MRC1: variants seen among roughly 807,000 people sequenced by gnomAD.
The protein encoded by MRC1 is macrophage mannose receptor 1.
MRC1 carries 62 observed loss-of-function variants against 102.9 expected under a neutral mutation model. That is an observed-to-expected ratio of 0.60 (90% CI 0.49 to 0.74). MRC1 has a LOEUF of 0.74. Ranked by LOEUF, MRC1 falls within the 30% of genes least tolerant of loss-of-function variation. The pLI, the probability that MRC1 is intolerant of heterozygous loss-of-function variation, is 0.00. For synonymous variants in MRC1, 457 were observed against 298.4 expected (o/e 1.53, Z -5.48); for missense variants, 1,237 against 862.8 (o/e 1.43, Z -5.43).
chr10:17,874,502 C>A (rs1431301026), intron 16 of MRC1, among the ~76,000 whole-genome samples: 2 of 152,102 alleles, frequency 1.3e-5, no homozygotes, highest in Non-Finnish European at 2.9e-5. Context: ...CTATAAAGTC[C>A]CATTTTCCAT....
chr10:17,839,001 A>C (rs1437941547), intron 4 of MRC1, among the ~76,000 whole-genome samples: 7 of 152,194 alleles, frequency 4.6e-5, no homozygotes, highest in Admixed American at 2.6e-4. Context: ...TTTTAACCCA[A>C]GATTTGAATT....
chr10:17,875,275 T>A lies in MRC1; in HGVS notation c.2550+22T>A. ...ATATGTAAGGACATCAATCATTTTTTAAAATTTTAATAGTTTTTGGGGAAC... is the reference window on the plus strand; with the variant it reads ...ATATGTAAGGACATCAATCATTTTTAAAAATTTTAATAGTTTTTGGGGAAC... On this transcript the variant is annotated intron_variant, in intron 17 of 29. Coordinates refer to ENST00000569591, the MANE Select transcript of MRC1 (RefSeq NM_002438.4). The A allele has an allele frequency of 6.4e-6, 5 of 778,716 alleles. No homozygotes were observed. The Admixed American group carries it at 6.8e-5, about 11-fold the overall frequency. 48.2% of individuals were successfully genotyped at this position (778,716 alleles called of 1,614,324 possible). A position where few individuals can be genotyped will look rare whatever the true frequency, so the allele number is the denominator to read the frequency against.
intron 1 of MRC1, among the ~76,000 whole-genome samples, chr10:17,814,260 C>T (rs1838271454): frequency 6.6e-6 from 1 of 152,060 alleles, no homozygotes; most frequent in Non-Finnish European, 1.5e-5. Flanking sequence ...AAATTTACTA[C>T]CTGGAGTGTG....
chr10:17,857,094 A>G (rs1185210337), intron 9 of MRC1, among the ~76,000 whole-genome samples: 2 of 152,226 alleles, frequency 1.3e-5, no homozygotes, highest in African/African-American at 4.8e-5. Context: ...ATCTTATAAC[A>G]CGTACCAGAA....
At chr10:17,906,649 C>T (rs1833899678) in intron 26 of MRC1, among the ~76,000 whole-genome samples, 2 of 152,166 alleles carry the variant, frequency 1.3e-5, no homozygotes, top group Admixed American at 6.5e-5. Context: ...TAATCTTTGA[C>T]TATCCTGCAG....
At chr10:17,862,310 T>C (rs1833196499) in intron 10 of MRC1, among the ~76,000 whole-genome samples, 1 of 152,226 alleles carries the variant, frequency 6.6e-6, no homozygotes, top group South Asian at 2.1e-4. Context: ...GCTGCTTTCA[T>C]ATATATTTAA....
chr10:17,878,412 G>A (rs1833466232), intron 18 of MRC1, among the ~76,000 whole-genome samples: 1 of 152,138 alleles, frequency 6.6e-6, no homozygotes, highest in African/African-American at 2.4e-5. Flanking sequence ...TAAATCTGCA[G>A]GAAATACATT....
intron 1 of MRC1, among the ~76,000 whole-genome samples, chr10:17,817,527 T>C (rs1268340760): frequency 6.6e-6 from 1 of 152,186 alleles, no homozygotes; most frequent in Non-Finnish European, 1.5e-5. Flanking sequence ...GTATTGTCAT[T>C]AGCATAGCAT....
intron 6 of MRC1, among the ~76,000 whole-genome samples, chr10:17,846,525 A>G (rs1162824096): frequency 1.3e-5 from 2 of 152,206 alleles, no homozygotes; most frequent in African/African-American, 2.4e-5. Context: ...AAAAGATACA[A>G]CATGATAAAT....
chr10:17,847,399 C>A (rs1370219861), intron 6 of MRC1, among the ~76,000 whole-genome samples: 1 of 152,160 alleles, frequency 6.6e-6, no homozygotes, highest in Non-Finnish European at 1.5e-5. Flanking sequence ...CATTCTTATT[C>A]CTCCATGATG....
At chr10:17,885,911 C>T (rs1169855467) in intron 22 of MRC1, among the ~76,000 whole-genome samples, 1 of 151,794 alleles carries the variant, frequency 6.6e-6, no homozygotes, top group Non-Finnish European at 1.5e-5. Flanking sequence ...TGTACATTAA[C>T]CTGGAAGACA....
chr10:17,865,527 C>G (rs1833252757), intron 11 of MRC1: 1 of 152,216 alleles, frequency 6.6e-6, no homozygotes, highest in East Asian at 1.9e-4. Context: ...GAACAGAACT[C>G]AGTTGCAACC....
In MRC1 at chr10:17,894,235, G is replaced by A. The variant is rs1833720433; in HGVS notation, c.3173G>A (p.Gly1058Asp). ...GCTGACTGTGTTGTTATTATTGGAG[G>A]TGCATCAAATGAAGCAGGAAAATGG... ...EDADCVVIIG[G>D]ASNEAGKWMD... The change falls in exon 23 of 30, where the codon GGT becomes GAT. Residue 1058 changes from glycine to aspartate, a missense_variant. By Grantham distance (94) the Gly-to-Asp change is moderately conservative. Coordinates refer to ENST00000569591, the MANE Select transcript of MRC1 (RefSeq NM_002438.4). 1 of 872,518 alleles carries A rather than the reference G, an allele frequency of 1.1e-6. No individual in the cohort carries two copies. Among genetic ancestry groups the A allele is most frequent in the Non-Finnish European group, 2.0e-6 (1 of 501,436 alleles). 54.0% of individuals were successfully genotyped at this position (872,518 alleles called of 1,614,324 possible).
intron 6 of MRC1, 70 bp downstream of exon 6, chr10:17,845,505 G>A (rs1183174278): frequency 1.3e-6 from 1 of 773,038 alleles, no homozygotes; most frequent in Non-Finnish European, 2.4e-6. Context: ...TACAGCTTAG[G>A]TGTAACTGTT....
chr10:17,866,698 G>A lies in MRC1; in HGVS notation c.1920G>A (p.Thr640=), dbSNP rs782697435. ...TAACCCACCCACCGAAGCCCACGAC[G>A]ACTCCCGAACCCAAATGTCCGGAGG... ...EGVTHPPKPT[T]TPEPKCPEDW... is the part of the protein sequence containing the mutation. The change falls in exon 12 of 30, where the codon ACG becomes ACA. Residue 640 remains threonine, a synonymous_variant. Coordinates refer to ENST00000569591, the MANE Select transcript of MRC1 (RefSeq NM_002438.4). The A allele has an allele frequency of 1.3e-6, 1 of 780,670 alleles. No homozygotes were observed. The highest frequency in any genetic ancestry group is 2.4e-6 in the Non-Finnish European group (1 of 417,954). The allele number at this position is 780,670 out of a possible 1,614,324, so 48.4% of individuals were successfully genotyped here. A position where few individuals can be genotyped will look rare whatever the true frequency, so the allele number is the denominator to read the frequency against.
intron 26 of MRC1, among the ~76,000 whole-genome samples, chr10:17,903,406 T>G (rs1183630680): frequency 1.4e-5 from 2 of 140,246 alleles, no homozygotes; most frequent in South Asian, 4.7e-4. Flanking sequence ...TTTTTTTTTT[T>G]TTTTTTTGAG....
At chr10:17,833,926 A>G (rs1838621886) in intron 4 of MRC1, 87 bp downstream of exon 4, 2 of 735,130 alleles carry the variant, frequency 2.7e-6, no homozygotes, top group South Asian at 3.0e-5. Context: ...AAGTGTTTAT[A>G]GATGTTATGA....
chr10:17,871,033 A>G, intron 14 of MRC1, 98 bp downstream of exon 14: 1 of 782,802 alleles, frequency 1.3e-6, no homozygotes, highest in African/African-American at 1.7e-5. Flanking sequence ...AAGACAGTTC[A>G]TTATGATAGC....
In MRC1 at chr10:17,900,815, A is replaced by C. The variant is rs1033349618; in HGVS notation, c.3511A>C (p.Lys1171Gln). The C allele has an allele frequency of 1.3e-6, 1 of 780,706 alleles. No homozygotes were observed. The highest frequency in any genetic ancestry group is 2.4e-6 in the Non-Finnish European group (1 of 417,960). 48.4% of individuals were successfully genotyped at this position (780,706 alleles called of 1,614,324 possible). ...LTDNQYTWTD[K>Q]WRVRYTNWAA... ...TGATAATCAATACACTTGGACTGATAAGTGGAGGGTGAGGTACACTAACTG... is the reference window on the plus strand; with the variant it reads ...TGATAATCAATACACTTGGACTGATCAGTGGAGGGTGAGGTACACTAACTG... The change falls in exon 25 of 30, where the codon AAG becomes CAG. Residue 1171 changes from lysine (K) to glutamine (Q), a missense_variant. Transcript: ENST00000569591.
Sources: gnomAD v4.1 joint callset for allele counts (sites outside exome capture counted in the v4.1 genomes callset) on GRCh38, gnomAD v4.1.1 for gene constraint, MANE v1.5 for transcripts, NCBI Gene and HGNC (gene_info 2026-07-23, HGNC 2026-07-21) for gene names.